RAB5B: variants seen among roughly 807,000 people sequenced by gnomAD.
RAB5B encodes the protein ras-related protein Rab-5B.
Under a neutral mutation model 28.6 loss-of-function variants are expected in RAB5B, and 11 were observed. The observed-to-expected ratio is 0.38, with a 90% CI of 0.24 to 0.64. RAB5B has a LOEUF of 0.64. RAB5B is among the 30% of genes least tolerant of loss of function. The probability of loss-of-function intolerance (pLI) is 0.53; values close to 1 mark genes in which losing one functional copy is unlikely to be tolerated. For synonymous variants in RAB5B, 93 were observed against 97.9 expected, an observed-to-expected ratio of 0.95 and a Z score of 0.29; for missense variants, 169 against 265.6, an observed-to-expected ratio of 0.64 and a Z score of 2.53.
chr12:55,987,832 CAA>C (rs111519905), intron 2 of RAB5B, among the ~76,000 whole-genome samples: 11 of 116,304 alleles, frequency 9.5e-5, no homozygotes, highest in African/African-American at 9.0e-5. Context: ...ACTCCATCTC[CAA>C]AAAAAAAAAA....
At chr12:55,976,198 C>T (rs941323067) in intron 1 of RAB5B, among the ~76,000 whole-genome samples, 10 of 152,148 alleles carry the variant, frequency 6.6e-5, no homozygotes, top group African/African-American at 2.4e-4. Flanking sequence ...GCAAATCAGA[C>T]TAATCTTGCT....
chr12:55,992,347 C>A lies in RAB5B; in HGVS notation c.*135C>A. On this transcript the variant is annotated 3_prime_UTR_variant, in exon 6 of 6. Transcript: ENST00000360299. ...GCTCCCAAGGGCTGCCTCCTGACAG[C>A]TCCGTCATGGCACTTTTTAACGCTT... 1 of 778,272 alleles carries A rather than the reference C, an allele frequency of 1.3e-6. No homozygotes were observed. Among genetic ancestry groups the A allele is most frequent in the Middle Eastern group, 2.5e-4 (1 of 4,028 alleles). 48.2% of individuals were successfully genotyped at this position (778,272 alleles called of 1,614,324 possible).
intron 3 of RAB5B, 149 bp from the exon 4 acceptor site, chr12:55,990,533 T>C: frequency 8.9e-7 from 1 of 1,122,136 alleles, no homozygotes; most frequent in Non-Finnish European, 1.3e-6. Context: ...TTCCAAGTGC[T>C]AAGAAGACAG....
At chr12:55,975,993 G>C (rs189784325) in intron 1 of RAB5B, among the ~76,000 whole-genome samples, 89 of 151,226 alleles carry the variant, frequency 5.9e-4, no homozygotes, top group African/African-American at 1.8e-3. Flanking sequence ...CTCATGATCC[G>C]CCCACCTCGG....
chr12:55,978,416 A>C (rs765173814), intron 1 of RAB5B, among the ~76,000 whole-genome samples: 1 of 152,064 alleles, frequency 6.6e-6, no homozygotes, highest in African/African-American at 2.4e-5. Context: ...AAGCAGGAGA[A>C]TGGCGTGAAC....
intron 2 of RAB5B, 57 bp downstream of exon 2, chr12:55,987,180 A>G (rs566051029): frequency 5.6e-5 from 74 of 1,318,852 alleles, no homozygotes; most frequent in Non-Finnish European, 7.5e-5. Context: ...TTTTTTTTTT[A>G]GATGGAGTCT....
chr12:55,982,244 CAAAA>C (rs62786060), intron 1 of RAB5B, among the ~76,000 whole-genome samples: 1 of 115,060 alleles, frequency 8.7e-6, no homozygotes, highest in African/African-American at 3.1e-5. Flanking sequence ...ACTGGTTTAC[CAAAA>C]AAAAAAAAAA....
Position 55,996,209 on chromosome 12 carries a change from A to T in RAB5B, c.*3997A>T. On this transcript the variant is annotated 3_prime_UTR_variant, in exon 6 of 6. Coordinates refer to ENST00000360299, the MANE Select transcript of RAB5B (RefSeq NM_002868.4). ...GATTCCTGGTAAAAGCTCTAGTTGG[A>T]GAGCCGAAAGGAAAGGAAATGATCT... 6.6e-6 allele frequency: 1 copy of T among 150,784 alleles called. No individual in the cohort carries two copies. The highest frequency in any genetic ancestry group is 1.5e-5 in the Non-Finnish European group (1 of 67,812). 9.3% of individuals were successfully genotyped at this position (150,784 alleles called of 1,614,324 possible).
chr12:55,991,503 A>G, intron 5 of RAB5B, 50 bp downstream of exon 5: 1 of 1,471,582 alleles, frequency 6.8e-7, no homozygotes, highest in Non-Finnish European at 9.5e-7. Context: ...TTTATAGGCA[A>G]AATTATAGCT....
chr12:55,990,221 A>G, intron 3 of RAB5B, 123 bp downstream of exon 3: 1 of 1,075,130 alleles, frequency 9.3e-7, no homozygotes, highest in Non-Finnish European at 1.3e-6. Flanking sequence ...CATCCTGGCC[A>G]ACATGGTGAA....
intron 2 of RAB5B, 147 bp from the exon 3 acceptor site, chr12:55,989,800 A>G (rs1302682191): frequency 1.1e-6 from 1 of 911,710 alleles, no homozygotes; most frequent in African/African-American, 1.6e-5. Flanking sequence ...CTTACATGTA[A>G]GGAGAACTCA....
intron 1 of RAB5B, among the ~76,000 whole-genome samples, chr12:55,977,985 C>T (rs1314521421): frequency 3.9e-5 from 6 of 152,208 alleles, no homozygotes; most frequent in Admixed American, 1.3e-4. Context: ...GAAAATTCAG[C>T]GAACTTTGTT....
intron 1 of RAB5B, among the ~76,000 whole-genome samples, chr12:55,976,584 A>G (rs1274145311): frequency 6.6e-6 from 1 of 152,216 alleles, no homozygotes; most frequent in African/African-American, 2.4e-5. Context: ...TGGTCTCTGC[A>G]TGTTCACATT....
rs758761875 is a variant in RAB5B, at chr12:55,995,441, G to C, written c.*3229G>C. 3 of 152,198 alleles carry C rather than the reference G, an allele frequency of 2.0e-5. No individual in the cohort carries two copies. Among genetic ancestry groups the C allele is most frequent in the Non-Finnish European group, 2.9e-5 (2 of 68,048 alleles). The allele number at this position is 152,198 out of a possible 1,614,324, so 9.4% of individuals were successfully genotyped here. A position where few individuals can be genotyped will look rare whatever the true frequency, so the allele number is the denominator to read the frequency against. On this transcript the variant is annotated 3_prime_UTR_variant, in exon 6 of 6. Transcript: ENST00000360299. ...CTATATGTTTCTCAAAGGGGTCCAT[G>C]ACCCAAAGGTTGAAAAACATCACTG...
At chr12:55,977,715 C>G (rs1157635647) in intron 1 of RAB5B, among the ~76,000 whole-genome samples, 1 of 152,200 alleles carries the variant, frequency 6.6e-6, no homozygotes, top group Non-Finnish European at 1.5e-5. Context: ...TAAAACCCTA[C>G]ATGGTATACT....
chr12:55,980,633 T>TCCTTCTGCA, intron 1 of RAB5B: 1 of 1,598,532 alleles, frequency 6.3e-7, no homozygotes, highest in Non-Finnish European at 8.6e-7. Context: ...ATCGGCCTGC[T>TCCTTCTGCA]CCTTCTGCAC....
At chr12:55,991,302 A>G (rs1451567451) in intron 4 of RAB5B, 58 bp from the exon 5 acceptor site, 35 of 1,338,126 alleles carry the variant, frequency 2.6e-5, no homozygotes, top group Non-Finnish European at 3.4e-5. Context: ...TGGGAGTGGA[A>G]AGGCAATACT....
At chr12:55,983,940 A>C (rs898663428) in intron 1 of RAB5B, among the ~76,000 whole-genome samples, 2 of 152,008 alleles carry the variant, frequency 1.3e-5, no homozygotes, top group African/African-American at 4.8e-5. Context: ...GATTACAGGC[A>C]TGGGCCGCTC....
At position 55,986,975 on chromosome 12, in the gene RAB5B, C is replaced by T; in HGVS notation, c.15C>T (p.Ser5=). The T allele has an allele frequency of 7.0e-7, 1 of 1,422,682 alleles. No individual in the cohort carries two copies. Among genetic ancestry groups the T allele is most frequent in the Non-Finnish European group, 9.4e-7 (1 of 1,062,556 alleles). The allele number at this position is 1,422,682 out of a possible 1,614,324, so 88.1% of individuals were successfully genotyped here. A position where few individuals can be genotyped will look rare whatever the true frequency, so the allele number is the denominator to read the frequency against. Residue 5 remains serine (S), a synonymous_variant, in exon 2 of 6, where the codon AGC becomes AGT. Coordinates refer to ENST00000360299, the MANE Select transcript of RAB5B (RefSeq NM_002868.4). ...ATAATCTGGCCATGACTAGCAGAAG[C>T]ACAGCTAGGCCCAATGGGCAACCCC... The part of the protein sequence containing the change: MTSR[S]TARPNGQPQA...
Sources: allele counts gnomAD v4.1 joint callset (sites outside exome capture counted in the v4.1 genomes callset), GRCh38; gene constraint gnomAD v4.1.1; transcripts MANE v1.5; gene names NCBI Gene and HGNC (gene_info 2026-07-23, HGNC 2026-07-21).